Variants in LYZL1 observed in about 807,000 individuals in gnomAD.
LYZL1 encodes the protein lysozyme like 1.
In LYZL1, 16 loss-of-function variants were observed where a neutral mutation model predicts 17.9. The ratio of observed to expected loss-of-function variants is 0.90; its 90% CI spans 0.61 to 1.36. The LOEUF (loss-of-function observed/expected upper bound fraction) is 1.36, where lower values mean the gene tolerates loss of function less well. Ranked by LOEUF, LYZL1 falls within the 40% of genes most tolerant of loss-of-function variation. The pLI, the probability that LYZL1 is intolerant of heterozygous loss-of-function variation, is 0.00. For missense variants in LYZL1, 149 were observed against 188.4 expected (o/e 0.79, Z 1.22); for synonymous variants, 58 against 71.8 (o/e 0.81, Z 0.97).
chr10:29,316,518 C>T (rs1272549648), intron 3 of LYZL1, among the ~76,000 whole-genome samples: 6 of 152,088 alleles, frequency 3.9e-5, no homozygotes, highest in Admixed American at 2.0e-4. Flanking sequence ...CCAAAAGAAA[C>T]GCTGTGTTTT....
chr10:29,308,715 T>A (rs1420196475), intron 3 of LYZL1, among the ~76,000 whole-genome samples: 2 of 152,228 alleles, frequency 1.3e-5, no homozygotes, highest in African/African-American at 4.8e-5. Context: ...GTATCAGCAC[T>A]TTGGGAGCCA....
At chr10:29,291,421 C>A in intron 1 of LYZL1, among the ~76,000 whole-genome samples, 1 of 151,274 alleles carries the variant, frequency 6.6e-6, no homozygotes, top group South Asian at 2.1e-4. Flanking sequence ...GTGGCAGAGG[C>A]AGAAGAAAAT....
At chr10:29,303,008 T>C (rs12251457) in intron 3 of LYZL1, among the ~76,000 whole-genome samples, 14,525 of 152,226 alleles carry the variant, frequency 0.095, 857 homozygotes, top group African/African-American at 0.16. Flanking sequence ...TTGAATGTGC[T>C]GAGGATTCAG....
chr10:29,315,617 G>A (rs913539081), downstream of LYZL1, among the ~76,000 whole-genome samples: 1 of 152,146 alleles, frequency 6.6e-6, no homozygotes, highest in African/African-American at 2.4e-5. Context: ...CTTTGCCGAG[G>A]TGGGAGGATC....
intron 4 of LYZL1, chr10:29,318,012 G>C (rs1398593696): frequency 3.2e-5 from 7 of 221,162 alleles, no homozygotes. Context: ...TTTTGTAATA[G>C]GTGATTTCTA....
At chr10:29,313,830 C>T (rs563930627), downstream of LYZL1, among the ~76,000 whole-genome samples, 173 of 152,332 alleles carry the variant, frequency 1.1e-3, 4 homozygotes, top group South Asian at 0.035. Context: ...ATTTACTCCT[C>T]GTGGCCACAT....
At chr10:29,293,269 G>T (rs1270043366) in intron 3 of LYZL1, among the ~76,000 whole-genome samples, 2 of 151,306 alleles carry the variant, frequency 1.3e-5, no homozygotes, top group African/African-American at 2.4e-5. Flanking sequence ...AGAACTATAG[G>T]CACACGCCCG....
At chr10:29,297,316 C>T (rs1204688685) in intron 3 of LYZL1, among the ~76,000 whole-genome samples, 1 of 151,922 alleles carries the variant, frequency 6.6e-6, no homozygotes. Context: ...AGAAGAGAAA[C>T]AATAGATAGC....
At chr10:29,296,784 A>G (rs1482785399) in intron 3 of LYZL1, among the ~76,000 whole-genome samples, 1 of 152,200 alleles carries the variant, frequency 6.6e-6, no homozygotes, top group Non-Finnish European at 1.5e-5. Flanking sequence ...TCCCCAGTGA[A>G]CAAGACTGGT....
chr10:29,310,670 C>T (rs116548951), intron 4 of LYZL1, among the ~76,000 whole-genome samples: 1,909 of 152,274 alleles, frequency 0.013, 38 homozygotes, highest in African/African-American at 0.043. Flanking sequence ...GCCTTGCATT[C>T]GCTGCTGCTG....
Position 29,295,494 on chromosome 10 carries a change from T to C in LYZL1, c.298+2817T>C, listed in dbSNP as rs570013867. On this transcript the variant is annotated intron_variant, in intron 3 of 4. Transcript: ENST00000649382. ...TCACCAATGGAGTCTTTCAGTTAAA[T>C]ATGAGGATTAAATGTGTGCATTTAC... Among the ~76,000 whole-genome samples the C allele has an allele frequency of 2.0e-5, 3 of 152,314 alleles. No individual in the cohort carries two copies. In the South Asian group the frequency reaches 6.2e-4, roughly 32 times the overall value.
At chr10:29,306,356 C>G (rs1469143385) in intron 3 of LYZL1, among the ~76,000 whole-genome samples, 1 of 137,886 alleles carries the variant, frequency 7.3e-6, no homozygotes, top group African/African-American at 2.7e-5. Flanking sequence ...CGAGACCATC[C>G]CGGCTAAAAC....
At chr10:29,302,464 G>T (rs1027566056) in intron 3 of LYZL1, among the ~76,000 whole-genome samples, 9 of 152,188 alleles carry the variant, frequency 5.9e-5, no homozygotes, top group Non-Finnish European at 2.9e-5. Context: ...ATTCATAAAC[G>T]GGTGGGAAGA....
intron 3 of LYZL1, among the ~76,000 whole-genome samples, chr10:29,299,507 C>T (rs538120021): frequency 6.6e-6 from 1 of 152,288 alleles, no homozygotes; most frequent in Non-Finnish European, 1.5e-5. Flanking sequence ...CTTACTAGAA[C>T]TATCATATAG....
rs1196930333 is a variant in LYZL1, at chr10:29,310,093, T to C, written c.299-17T>C. On this transcript the variant is annotated splice_polypyrimidine_tract_variant and intron_variant, in intron 3 of 4. Transcript: ENST00000649382. The stretch of plus-strand genomic sequence containing the variant: ...AACAAAGTCTCGCCTAACCCTGATG[T>C]CTTCTCTCTTTTACAGCCTTGATCA... 1 of 1,593,206 alleles carries C rather than the reference T, an allele frequency of 6.3e-7. No homozygotes were observed. Among genetic ancestry groups the C allele is most frequent in the Non-Finnish European group, 8.6e-7 (1 of 1,162,524 alleles).
At chr10:29,293,433 G>A (rs191138271) in intron 3 of LYZL1, among the ~76,000 whole-genome samples, 75 of 152,104 alleles carry the variant, frequency 4.9e-4, no homozygotes, top group Non-Finnish European at 8.1e-4. Context: ...AGTATATTTA[G>A]CTAGCCACAT....
At chr10:29,305,488 T>C (rs1835577273) in intron 3 of LYZL1, among the ~76,000 whole-genome samples, 1 of 152,228 alleles carries the variant, frequency 6.6e-6, no homozygotes, top group Non-Finnish European at 1.5e-5. Context: ...ACAGAAATGG[T>C]TGTTCAGAGA....
chr10:29,311,450 T>C (rs767081213), downstream of LYZL1, among the ~76,000 whole-genome samples: 1 of 151,976 alleles, frequency 6.6e-6, no homozygotes, highest in Non-Finnish European at 1.5e-5. Flanking sequence ...GGTTAGGAAC[T>C]AGGAGCACCT....
intron 4 of LYZL1, among the ~76,000 whole-genome samples, chr10:29,310,484 G>A (rs1358075918): frequency 2.0e-5 from 3 of 149,192 alleles, no homozygotes; most frequent in Non-Finnish European, 4.4e-5. Flanking sequence ...AGGGTCAACT[G>A]AATCAATTCG....
Sources: allele counts gnomAD v4.1 joint callset (sites outside exome capture counted in the v4.1 genomes callset), GRCh38; gene constraint gnomAD v4.1.1; transcripts MANE v1.5; gene names NCBI Gene and HGNC (gene_info 2026-07-23, HGNC 2026-07-21).